Variants in TPO observed in about 807,000 individuals in gnomAD.
The protein encoded by TPO is thyroid peroxidase.
In TPO, 78 loss-of-function variants were observed where a neutral mutation model predicts 96.9. The ratio of observed to expected loss-of-function variants is 0.81; its 90% confidence interval spans 0.67 to 0.97. TPO has a LOEUF of 0.97. TPO is among the 50% of genes least tolerant of loss of function. The pLI is 0.00. For missense variants in TPO, 1,252 were observed against 1,274.8 expected (o/e 0.98, Z 0.27); for synonymous variants, 547 against 538.0 (o/e 1.02, Z -0.23).
rs541739455 is a variant in TPO, at chr2:1,433,613, G to A, written c.349+6G>A. 112 of 1,613,192 alleles carry A rather than the reference G, an allele frequency of 6.9e-5. 3 individuals are homozygous for A. The South Asian group carries it at 1.2e-3, about 17-fold the overall frequency. ...ACAATCACAGCATCCAACGGGTAAT[G>A]TGTGCCCCTCTCCCCACTGAGGAGC... On this transcript the variant is annotated splice_donor_region_variant and intron_variant, in intron 4 of 16. Coordinates refer to ENST00000329066, the MANE Select transcript of TPO (RefSeq NM_001206744.2).
chr2:1,453,805 CG>C lies in TPO; in HGVS notation c.597del (p.Phe200SerfsTer9). On this transcript the variant is annotated frameshift_variant, in exon 6 of 17. Transcript: ENST00000329066. LOFTEE classifies it high-confidence loss of function. ...RGWNPGFLYN[G>X]FPLPPVREVT... Reference sequence around the variant, plus strand: ...GCTGGAACCCCGGCTTCTTGTACAACGGGTTCCCACTGCCCCCGGTGGGTAC... The same window carrying C: ...GCTGGAACCCCGGCTTCTTGTACAACGGTTCCCACTGCCCCCGGTGGGTAC... The C allele has an allele frequency of 1.9e-6, 3 of 1,613,792 alleles. No homozygotes were observed. Among genetic ancestry groups the C allele is most frequent in the Non-Finnish European group, 2.5e-6 (3 of 1,180,036 alleles).
At position 1,477,090 on chromosome 2, in the gene TPO, C is replaced by G; in HGVS notation, c.824C>G (p.Pro275Arg). The G allele has an allele frequency of 1.2e-6, 2 of 1,603,330 alleles. No homozygotes were observed. The highest frequency in any genetic ancestry group is 1.7e-6 in the Non-Finnish European group (2 of 1,177,846). ...NQNPCFPIQL[P>R]EEARPAAGTA... Reference sequence around the variant, plus strand: ...TGAACTCCCCTTTGCCTGCAGCTCCCGGAGGAGGCCCGGCCGGCCGCGGGC... The same window carrying G: ...TGAACTCCCCTTTGCCTGCAGCTCCGGGAGGAGGCCCGGCCGGCCGCGGGC... The change falls in exon 8 of 17, where the codon CCG (proline) becomes CGG (arginine). Residue 275 changes from proline to arginine, a missense_variant. Coordinates refer to ENST00000329066, the MANE Select transcript of TPO (RefSeq NM_001206744.2).
chr2:1,483,203 A>G (rs1000829296), intron 8 of TPO, among the ~76,000 whole-genome samples: 2 of 152,186 alleles, frequency 1.3e-5, no homozygotes, highest in African/African-American at 4.8e-5. Context: ...TGAAGGGCGC[A>G]GGTTTCCTCT....
intron 1 of TPO, among the ~76,000 whole-genome samples, chr2:1,394,473 T>C (rs889264526): frequency 9.2e-5 from 14 of 152,140 alleles, no homozygotes; most frequent in Non-Finnish European, 1.8e-4. Flanking sequence ...CTGAATAGGA[T>C]GTGGAATGGT....
chr2:1,540,443 C>CGACTT, intron 15 of TPO, 151 bp from the exon 16 acceptor site: 1 of 1,557,768 alleles, frequency 6.4e-7, no homozygotes, highest in South Asian at 1.1e-5. Context: ...AGATTATGAT[C>CGACTT]GACTTGACTG....
chr2:1,531,394 T>A (rs189475224), intron 15 of TPO, among the ~76,000 whole-genome samples: 1,409 of 27,660 alleles, frequency 0.051, 124 homozygotes, highest in East Asian at 0.058. Context: ...CTCCCAAAAT[T>A]GCCCCCACTG....
Position 1,477,293 on chromosome 2 carries a change from T to C in TPO, c.1027T>C (p.Trp343Arg), listed in dbSNP as rs1670049374. 3 of 1,591,616 alleles carry C rather than the reference T, an allele frequency of 1.9e-6. No homozygotes were observed. The change falls in exon 8 of 17, where the codon TGG (tryptophan) becomes CGG (arginine). Residue 343 changes from tryptophan to arginine, a missense_variant. Physicochemically the swap from Trp to Arg is moderately radical, Grantham distance 101 (BLOSUM62 -3). Coordinates refer to ENST00000329066, the MANE Select transcript of TPO (RefSeq NM_001206744.2). The part of the protein sequence containing the change: ...SPALERQLRN[W>R]TSAEGLLRVH... ...GGCCCTAGAGAGGCAGCTGCGGAAC[T>C]GGACCAGTGCCGAAGGGCTGCTCCG...
At chr2:1,463,438 A>G (rs6723319) in intron 7 of TPO, among the ~76,000 whole-genome samples, 22,202 of 152,176 alleles carry the variant, frequency 0.15, 2,092 homozygotes, top group East Asian at 0.28. Flanking sequence ...CGGTGGAGTG[A>G]GAGGGTGGAA....
chr2:1,386,434 C>G (rs1661896270), intron 1 of TPO, among the ~76,000 whole-genome samples: 2 of 152,186 alleles, frequency 1.3e-5, no homozygotes, highest in South Asian at 2.1e-4. Flanking sequence ...ATAGTTAGCT[C>G]TTGTTGAATT....
chr2:1,481,980 C>A lies in TPO; in HGVS notation c.1339-2616C>A, dbSNP rs182773731. Among the ~76,000 whole-genome samples the A allele has an allele frequency of 1.4e-3, 217 of 152,306 alleles. 1 individual carries two copies. Among genetic ancestry groups the A allele is most frequent in the African/African-American group, 5.2e-3 (215 of 41,588 alleles). On this transcript the variant is annotated intron_variant, in intron 8 of 16. Coordinates refer to ENST00000329066, the MANE Select transcript of TPO (RefSeq NM_001206744.2). ...GCACAAGCCAGGCCTGGCTGTGTCA[C>A]GTCCTTGGGGAGCTGGGTGCCTGCT... is the stretch of plus-strand genomic sequence containing the variant.
intron 1 of TPO, among the ~76,000 whole-genome samples, chr2:1,377,012 A>G (rs1329292916): frequency 6.6e-6 from 1 of 152,214 alleles, no homozygotes; most frequent in Non-Finnish European, 1.5e-5. Context: ...GAATTTGGCT[A>G]GGGAAAAGGA....
chr2:1,402,908 G>C (rs1662193949), intron 1 of TPO, among the ~76,000 whole-genome samples: 1 of 152,130 alleles, frequency 6.6e-6, no homozygotes, highest in Non-Finnish European at 1.5e-5. Context: ...TCTCCAGAAA[G>C]GTTCCCATCT....
intron 15 of TPO, among the ~76,000 whole-genome samples, chr2:1,527,393 C>A (rs1329139039): frequency 2.5e-5 from 3 of 118,504 alleles, no homozygotes; most frequent in Non-Finnish European, 3.4e-5. Context: ...CACCCCAAAT[C>A]CCCCCCACTG....
In TPO at chr2:1,456,099, C is replaced by T. The variant is rs1039731960; in HGVS notation, c.636C>T (p.Val212=). ...AGGTCCGGGAGGTGACAAGACATGTCATTCAAGTTTCAAATGAGGTTGTCA... is the reference window on the plus strand; with the variant it reads ...AGGTCCGGGAGGTGACAAGACATGTTATTCAAGTTTCAAATGAGGTTGTCA... ...LPPVREVTRH[V]IQVSNEVVTD... Residue 212 remains valine (V), a synonymous_variant, in exon 7 of 17, where the codon GTC becomes GTT. Transcript: ENST00000329066. 3.1e-6 allele frequency: 5 copies of T among 1,614,012 alleles called. No individual in the cohort carries two copies. The highest frequency in any genetic ancestry group is 4.2e-6 in the Non-Finnish European group (5 of 1,180,030).
At chr2:1,540,447 T>C in intron 15 of TPO, 147 bp from the exon 16 acceptor site, 1 of 1,570,008 alleles carries the variant, frequency 6.4e-7, no homozygotes, top group Non-Finnish European at 8.6e-7. Flanking sequence ...TATGATCGAC[T>C]TGACTGAAGT....
At chr2:1,441,944 C>T (rs946472802) in intron 5 of TPO, among the ~76,000 whole-genome samples, 6 of 152,094 alleles carry the variant, frequency 3.9e-5, no homozygotes, top group African/African-American at 7.2e-5. Context: ...GTGGGAGGGA[C>T]CAGGTGGGAG....
chr2:1,376,024 T>C (rs115587232), intron 1 of TPO, among the ~76,000 whole-genome samples: 1,553 of 152,312 alleles, frequency 0.01, 33 homozygotes, highest in African/African-American at 0.035. Flanking sequence ...TGCTGCAGGC[T>C]GCGTTTGCTG....
At chr2:1,393,945 C>T (rs1447638878) in intron 1 of TPO, among the ~76,000 whole-genome samples, 4 of 152,200 alleles carry the variant, frequency 2.6e-5, no homozygotes, top group Non-Finnish European at 4.4e-5. Context: ...AAAGATAAAA[C>T]AGACCGTGAA....
chr2:1,533,239 CCAAATCCCCCACACTATGTGCAACCTCCT>C (rs1678759109), intron 15 of TPO, among the ~76,000 whole-genome samples: 1 of 84,592 alleles, frequency 1.2e-5, no homozygotes, highest in Non-Finnish European at 2.2e-5. Context: ...AGCAACCTCC[CCAAATCCCCCACACTATGTGCAACCTCCT>C]CAAATCCCCC....
Sources: gnomAD v4.1 joint callset for allele counts (sites outside exome capture counted in the v4.1 genomes callset) on GRCh38, gnomAD v4.1.1 for gene constraint, MANE v1.5 for transcripts, NCBI Gene and HGNC (gene_info 2026-07-23, HGNC 2026-07-21) for gene names.